Variants in DOCK8 observed in about 807,000 individuals in gnomAD.
The protein encoded by DOCK8 is dedicator of cytokinesis protein 8.
DOCK8 carries 141 observed loss-of-function variants against 245.6 expected under a neutral mutation model. The ratio of observed to expected loss-of-function variants is 0.57; its 90% CI spans 0.50 to 0.66. DOCK8 has a LOEUF of 0.66. Ranked by LOEUF, DOCK8 falls within the 30% of genes least tolerant of loss-of-function variation. The pLI is 0.00. For missense variants in DOCK8, 2,965 were observed against 2,603.4 expected, an observed-to-expected ratio of 1.14 and a Z score of -3.02; for synonymous variants, 1,168 against 970.2, an observed-to-expected ratio of 1.20 and a Z score of -3.79.
Position 434,940 on chromosome 9 carries a change from C to G in DOCK8, c.5044C>G (p.His1682Asp). Residue 1682 changes from histidine to aspartate, a missense_variant, in exon 39 of 48, where the codon CAC becomes GAC. By Grantham distance (81) the His-to-Asp change is moderately conservative. Coordinates refer to ENST00000432829, the MANE Select transcript of DOCK8 (RefSeq NM_203447.4). Reference protein sequence around the residue: ...VAEYLSMLEDHSYLPVGSVSF... With the variant: ...VAEYLSMLEDDSYLPVGSVSF... ...TGAGTATCTGAGCATGCTGGAGGAC[C>G]ACAGCTACCTGCCCGTGGGCAGTGT... 2 of 1,613,356 alleles carry G rather than the reference C, an allele frequency of 1.2e-6. No homozygotes were observed. The highest frequency in any genetic ancestry group is 1.7e-6 in the Non-Finnish European group (2 of 1,180,038).
chr9:330,086 C>T lies in DOCK8; in HGVS notation c.1044+1915C>T, dbSNP rs529078782. ...TTCTTTTTTGTTTATATTCCCAGGC[C>T]GAACATCAGGGTCTTTACTGTATTT... On this transcript the variant is annotated intron_variant, in intron 9 of 47. Coordinates refer to ENST00000432829, the MANE Select transcript of DOCK8 (RefSeq NM_203447.4). Among the ~76,000 whole-genome samples, 58 of 152,178 alleles carry T rather than the reference C, an allele frequency of 3.8e-4. 1 individual carries two copies. Among genetic ancestry groups the T allele is most frequent in the African/African-American group, 1.3e-3 (54 of 41,488 alleles).
intron 1 of DOCK8, among the ~76,000 whole-genome samples, chr9:242,033 GTCT>G (rs2047385526): frequency 6.6e-6 from 1 of 152,168 alleles, no homozygotes; most frequent in Non-Finnish European, 1.5e-5. Flanking sequence ...GATAATTCAG[GTCT>G]TCTTTTGCCA....
chr9:312,593 A>G (rs1347540487), intron 6 of DOCK8: 2 of 366,992 alleles, frequency 5.4e-6, no homozygotes, highest in African/African-American at 2.1e-5. Flanking sequence ...AATGGTCTCT[A>G]TGAGCAACCA....
chr9:301,929 T>G (rs1055513591), intron 4 of DOCK8, among the ~76,000 whole-genome samples: 1 of 151,940 alleles, frequency 6.6e-6, no homozygotes. Context: ...CCCAAAGAGA[T>G]TTTTAGATTC....
chr9:421,023 G>A lies in DOCK8; in HGVS notation c.4098G>A (p.Glu1366=), dbSNP rs1238085618. 15 of 1,614,224 alleles carry A rather than the reference G, an allele frequency of 9.3e-6. No homozygotes were observed. The highest frequency in any genetic ancestry group is 1.3e-5 in the Non-Finnish European group (15 of 1,180,048). ...GGGATGTCAAGGCCCGGCTGGAAGA[G>A]GCTTTGCTCCGTGGGGAAGGGGCCA... ...KSRDVKARLE[E]ALLRGEGARG... is the part of the protein sequence containing the mutation. The change falls in exon 32 of 48, where the codon GAG becomes GAA. Residue 1366 remains glutamate (E), a synonymous_variant. Transcript: ENST00000432829.
At chr9:275,043 G>C (rs523812) in intron 2 of DOCK8, among the ~76,000 whole-genome samples, 70,340 of 152,058 alleles carry the variant, frequency 0.46, 16,431 homozygotes, top group East Asian at 0.54. Context: ...GGTGAATCTG[G>C]GATGAGGTAC....
intron 43 of DOCK8, 83 bp downstream of exon 43, chr9:443,599 T>C (rs1191760679): frequency 2.0e-5 from 22 of 1,116,902 alleles, no homozygotes; most frequent in Non-Finnish European, 2.8e-5. Flanking sequence ...ATCTCATCTA[T>C]CTGGACTCTC....
chr9:403,890 C>CTATATA (rs1204461968), intron 26 of DOCK8, among the ~76,000 whole-genome samples: 7 of 80,218 alleles, frequency 8.7e-5, no homozygotes, highest in African/African-American at 1.6e-4. Context: ...CTCTCTCTCT[C>CTATATA]TCTATATATA....
intron 2 of DOCK8, among the ~76,000 whole-genome samples, chr9:283,289 C>T (rs2048668135): frequency 6.6e-6 from 1 of 152,188 alleles, no homozygotes; most frequent in Non-Finnish European, 1.5e-5. Flanking sequence ...ATTCAAAATG[C>T]TCCAAAATCT....
chr9:414,487 A>G (rs938308183), intron 28 of DOCK8, among the ~76,000 whole-genome samples: 3 of 152,074 alleles, frequency 2.0e-5, no homozygotes, highest in Non-Finnish European at 4.4e-5. Flanking sequence ...GTTAGAACAC[A>G]GGCAGTCTGT....
At chr9:310,158 T>C (rs1249223433) in intron 5 of DOCK8, among the ~76,000 whole-genome samples, 1 of 151,868 alleles carries the variant, frequency 6.6e-6, no homozygotes, top group Non-Finnish European at 1.5e-5. Flanking sequence ...TCCCAGCTAC[T>C]CAGGAGGCTG....
intron 14 of DOCK8, among the ~76,000 whole-genome samples, chr9:359,950 GTGT>G (rs2052641186): frequency 6.6e-6 from 1 of 152,212 alleles, no homozygotes; most frequent in Admixed American, 6.5e-5. Flanking sequence ...TGTTTCATTG[GTGT>G]TGTATCAGAA....
At chr9:378,512 C>T (rs12350470) in intron 20 of DOCK8, among the ~76,000 whole-genome samples, 19,009 of 152,212 alleles carry the variant, frequency 0.12, 2,437 homozygotes, top group African/African-American at 0.33. Flanking sequence ...ACAGATCAAA[C>T]GTCCTGTGTT....
At chr9:374,813 T>C (rs1205784902) in intron 18 of DOCK8, among the ~76,000 whole-genome samples, 2 of 152,086 alleles carry the variant, frequency 1.3e-5, no homozygotes, top group African/African-American at 2.4e-5. Context: ...AAATTACATA[T>C]ATAGCTCACG....
chr9:399,499 G>A (rs1178319240), intron 26 of DOCK8, among the ~76,000 whole-genome samples: 2 of 149,042 alleles, frequency 1.3e-5, no homozygotes, highest in Non-Finnish European at 2.9e-5. Context: ...ATTCATCTGT[G>A]GGAATTAAAA....
intron 1 of DOCK8, among the ~76,000 whole-genome samples, chr9:218,440 A>C (rs979804620): frequency 1.3e-5 from 2 of 152,198 alleles, no homozygotes; most frequent in Non-Finnish European, 2.9e-5. Context: ...ACTTGTCTTC[A>C]TTTCCATTTT....
intron 26 of DOCK8, among the ~76,000 whole-genome samples, chr9:403,907 TATATATATAC>T (rs1255101168): frequency 2.3e-3 from 205 of 88,604 alleles, no homozygotes; most frequent in African/African-American, 0.014. Flanking sequence ...TATATATATA[TATATATATAC>T]ATATATATAT....
At chr9:312,313 C>T (rs1290204441) in intron 6 of DOCK8, 147 bp downstream of exon 6, 4 of 911,364 alleles carry the variant, frequency 4.4e-6, no homozygotes, top group Non-Finnish European at 5.3e-6. Flanking sequence ...TTCACTCAGG[C>T]AAGCCTGTGT....
chr9:385,339 A>G (rs886186837), intron 22 of DOCK8, among the ~76,000 whole-genome samples: 8 of 152,242 alleles, frequency 5.3e-5, no homozygotes, highest in African/African-American at 1.9e-4. Flanking sequence ...GTACCTTACT[A>G]TAAAAGATAT....
Sources: allele counts gnomAD v4.1 joint callset (sites outside exome capture counted in the v4.1 genomes callset), GRCh38; gene constraint gnomAD v4.1.1; transcripts MANE v1.5; gene names NCBI Gene and HGNC (gene_info 2026-07-23, HGNC 2026-07-21).